RBFOX1: variants seen among roughly 807,000 people sequenced by gnomAD.
RBFOX1 encodes RNA binding fox-1 homolog 1.
A neutral mutation model predicts 57.7 loss-of-function variants in RBFOX1; 8 were observed. The observed-to-expected ratio is 0.14, with a 90% confidence interval of 0.08 to 0.25. The LOEUF is 0.25. Ranked by LOEUF, RBFOX1 falls within the 10% of genes least tolerant of loss-of-function variation. The pLI is 1.00. For missense variants in RBFOX1, 611 were observed against 548.5 expected, an observed-to-expected ratio of 1.11 and a Z score of -1.14; for synonymous variants, 326 against 222.4, an observed-to-expected ratio of 1.47 and a Z score of -4.15.
intron 4 of RBFOX1, among the ~76,000 whole-genome samples, chr16:7,147,469 C>T (rs995180171): frequency 1.3e-5 from 2 of 152,012 alleles, no homozygotes; most frequent in African/African-American, 2.4e-5. Flanking sequence ...CCGGCCTTCC[C>T]ACTCCCCTGC....
chr16:6,825,191 G>T (rs1242239636), intron 3 of RBFOX1, among the ~76,000 whole-genome samples: 1 of 149,716 alleles, frequency 6.7e-6, no homozygotes, highest in Non-Finnish European at 1.5e-5. Flanking sequence ...TTCTTGTGGG[G>T]GGGCTGACGT....
At chr16:5,515,255 A>C (rs2043748855) in intron 2 of RBFOX1, among the ~76,000 whole-genome samples, 1 of 152,242 alleles carries the variant, frequency 6.6e-6, no homozygotes, top group Non-Finnish European at 1.5e-5. Flanking sequence ...CCATGTGGGC[A>C]AGTGGTCTGG....
intron 1 of RBFOX1, among the ~76,000 whole-genome samples, chr16:6,238,878 C>G (rs527479274): frequency 3.9e-5 from 6 of 152,246 alleles, no homozygotes; most frequent in South Asian, 2.1e-4. Context: ...TCCCCTCAAG[C>G]ATTTATTCTT....
intron 1 of RBFOX1, among the ~76,000 whole-genome samples, chr16:5,379,010 A>G (rs2066063194): frequency 6.6e-6 from 1 of 151,460 alleles, no homozygotes; most frequent in Non-Finnish European, 1.5e-5. Flanking sequence ...GACCCCTCAC[A>G]GTTTTCCACC....
intron 4 of RBFOX1, among the ~76,000 whole-genome samples, chr16:7,351,498 A>G (rs548156543): frequency 1.3e-5 from 2 of 152,248 alleles, no homozygotes; most frequent in East Asian, 1.9e-4. Context: ...ACCATAATGT[A>G]TATATAAACT....
chr16:5,383,030 T>G (rs557426976), intron 1 of RBFOX1, among the ~76,000 whole-genome samples: 10 of 152,334 alleles, frequency 6.6e-5, no homozygotes, highest in African/African-American at 2.4e-4. Flanking sequence ...CTTGCTCACA[T>G]GCTATAAAGC....
At chr16:7,682,051 A>G (rs745871173) in intron 14 of RBFOX1, among the ~76,000 whole-genome samples, 2 of 152,162 alleles carry the variant, frequency 1.3e-5, no homozygotes, top group Non-Finnish European at 2.9e-5. Context: ...AACACCAACC[A>G]TGTAATATGG....
rs188906071 is a variant in RBFOX1 at position 5,292,814 on chromosome 16, G to A, written c.219+52709G>A. Reference sequence around the variant, plus strand: ...AATTTTTTGTATTTTTAGTAGAGATGGGGTTTCACCATGTTAGCCAGGATG... The same window carrying A: ...AATTTTTTGTATTTTTAGTAGAGATAGGGTTTCACCATGTTAGCCAGGATG... On this transcript the variant is annotated intron_variant, in intron 1 of 2. Transcript: ENST00000585867. 1.5e-3 allele frequency among the ~76,000 whole-genome samples: 224 copies of A among 151,882 alleles called. 2 individuals carry two copies. The highest frequency in any genetic ancestry group is 2.7e-3 in the Admixed American group (41 of 15,196).
chr16:5,639,913 T>C (rs1402667636), intron 3 of RBFOX1, among the ~76,000 whole-genome samples: 1 of 152,184 alleles, frequency 6.6e-6, no homozygotes, highest in Non-Finnish European at 1.5e-5. Context: ...GCATGAAACA[T>C]TGTGCTAACC....
intron 2 of RBFOX1, among the ~76,000 whole-genome samples, chr16:6,430,837 A>G (rs561767793): frequency 6.6e-6 from 1 of 152,060 alleles, no homozygotes; most frequent in Non-Finnish European, 1.5e-5. Flanking sequence ...AGACTAGTCA[A>G]GAAGTTACTG....
chr16:7,265,691 C>T (rs1054683075), intron 4 of RBFOX1, among the ~76,000 whole-genome samples: 17 of 152,172 alleles, frequency 1.1e-4, no homozygotes, highest in African/African-American at 2.7e-4. Flanking sequence ...TCAGGTGATC[C>T]GCCTGCCTTA....
rs116315722 is a variant in RBFOX1, at chr16:6,868,781, A to C, written c.-15-183276A>C. Among the ~76,000 whole-genome samples the C allele has an allele frequency of 6.2e-3, 938 of 152,208 alleles. 14 individuals carry two copies. The highest frequency in any genetic ancestry group is 0.021 in the African/African-American group (889 of 41,540). On this transcript the variant is annotated intron_variant, in intron 3 of 15. Coordinates refer to ENST00000550418, the MANE Select transcript of RBFOX1 (RefSeq NM_018723.4). Reference sequence around the variant, plus strand: ...CCATTGCACCCGGCCAGTATTTCTTAAAGATAGGTAATAAGGTTGCATCTT... The same window carrying C: ...CCATTGCACCCGGCCAGTATTTCTTCAAGATAGGTAATAAGGTTGCATCTT...
intron 4 of RBFOX1, among the ~76,000 whole-genome samples, chr16:5,875,354 C>A (rs991324404): frequency 6.6e-6 from 1 of 152,186 alleles, no homozygotes; most frequent in Non-Finnish European, 1.5e-5. Flanking sequence ...GCTGTCTCCA[C>A]TAGGAACAGC....
Position 6,785,827 on chromosome 16 carries a change from A to ACAGAGCTAGTACGTGG in RBFOX1, c.-16+131186_-16+131187insTACGTGGCAGAGCTAG, listed in dbSNP as rs138059556. Among the ~76,000 whole-genome samples, 81 of 152,168 alleles carry ACAGAGCTAGTACGTGG rather than the reference A, an allele frequency of 5.3e-4. 2 individuals carry two copies. The highest frequency in any genetic ancestry group is 5.3e-3 in the Admixed American group (81 of 15,284). ...GCATGATGAGAACTTACTTTAGAATACAGAGCTAGAATTAGACTCAAAGTC... is the reference window on the plus strand; with the variant it reads ...GCATGATGAGAACTTACTTTAGAATACAGAGCTAGTACGTGGCAGAGCTAGAATTAGACTCAAAGTC... On this transcript the variant is annotated intron_variant, in intron 3 of 15. Transcript: ENST00000550418.
intron 2 of RBFOX1, among the ~76,000 whole-genome samples, chr16:6,542,653 C>A (rs1443815345): frequency 1.3e-5 from 2 of 151,576 alleles, no homozygotes; most frequent in Non-Finnish European, 2.9e-5. Flanking sequence ...CCATGCCTGG[C>A]GGCTAATTTT....
At chr16:7,261,624 C>A (rs552464427) in intron 4 of RBFOX1, among the ~76,000 whole-genome samples, 1 of 152,350 alleles carries the variant, frequency 6.6e-6, no homozygotes, top group African/African-American at 2.4e-5. Flanking sequence ...GGCTCAGGAA[C>A]TCAGGCTCTG....
chr16:7,540,785 T>G (rs750640871), intron 5 of RBFOX1, among the ~76,000 whole-genome samples: 2 of 152,228 alleles, frequency 1.3e-5, no homozygotes, highest in African/African-American at 4.8e-5. Context: ...CCAGCACTCA[T>G]GCTAGGCTTG....
chr16:7,504,907 C>T (rs190213347), intron 4 of RBFOX1, among the ~76,000 whole-genome samples: 29 of 146,998 alleles, frequency 2.0e-4, no homozygotes, highest in Non-Finnish European at 3.8e-4. Flanking sequence ...GGCAATAATA[C>T]GGCATTTGAA....
intron 4 of RBFOX1, among the ~76,000 whole-genome samples, chr16:7,165,682 G>C (rs1567534726): frequency 6.6e-6 from 1 of 151,820 alleles, no homozygotes; most frequent in Non-Finnish European, 1.5e-5. Flanking sequence ...GCCTGCCTCA[G>C]CCTTCCAAAG....
Sources: gnomAD v4.1 joint callset for allele counts (sites outside exome capture counted in the v4.1 genomes callset) on GRCh38, gnomAD v4.1.1 for gene constraint, MANE v1.5 for transcripts, NCBI Gene and HGNC (gene_info 2026-07-23, HGNC 2026-07-21) for gene names.